The following TRHDE variants were observed in gnomAD, a reference collection of about 807,000 sequenced individuals.
The protein encoded by TRHDE is thyrotropin-releasing hormone-degrading ectoenzyme.
Under a neutral mutation model 125.7 loss-of-function variants are expected in TRHDE, and 72 were observed. The observed-to-expected ratio is 0.57, with a 90% CI of 0.47 to 0.70. The LOEUF (loss-of-function observed/expected upper bound fraction) is 0.70, where lower values mean the gene tolerates loss of function less well. TRHDE is among the 30% of genes least tolerant of loss of function. The probability of loss-of-function intolerance (pLI) is 0.00; values close to 1 mark genes in which losing one functional copy is unlikely to be tolerated. For missense variants in TRHDE, 1,110 were observed against 1,327.1 expected (o/e 0.84, Z 2.54); for synonymous variants, 509 against 509.1 (o/e 1.00, Z 0.00).
chr12:72,117,912 C>G (rs1016545539), intron 2 of TRHDE, among the ~76,000 whole-genome samples: 64 of 150,406 alleles, frequency 4.3e-4, no homozygotes, highest in Admixed American at 4.1e-3. Context: ...GACTTTAGTA[C>G]GTTGATTTTG....
intron 2 of TRHDE, among the ~76,000 whole-genome samples, chr12:72,171,446 C>A (rs1876871878): frequency 6.6e-6 from 1 of 152,140 alleles, no homozygotes; most frequent in African/African-American, 2.4e-5. Context: ...AGAAAGGGGA[C>A]TTTTTCTAAT....
At chr12:72,421,669 C>T (rs565880360) in intron 3 of TRHDE, among the ~76,000 whole-genome samples, 1 of 152,242 alleles carries the variant, frequency 6.6e-6, no homozygotes, top group Non-Finnish European at 1.5e-5. Flanking sequence ...GGAGACATTG[C>T]TGTGGGAATT....
chr12:72,498,048 G>A, intron 5 of TRHDE, among the ~76,000 whole-genome samples: 1 of 152,148 alleles, frequency 6.6e-6, no homozygotes, highest in East Asian at 1.9e-4. Context: ...ATTTGATTCA[G>A]TCATTACCAT....
At chr12:72,569,629 C>T (rs1870625420) in intron 10 of TRHDE, among the ~76,000 whole-genome samples, 1 of 152,180 alleles carries the variant, frequency 6.6e-6, no homozygotes. Context: ...ATCTGGTTGT[C>T]AGCAGTACGA....
At chr12:72,352,513 A>C (rs754509667) in intron 2 of TRHDE, among the ~76,000 whole-genome samples, 4 of 151,826 alleles carry the variant, frequency 2.6e-5, no homozygotes, top group African/African-American at 4.8e-5. Flanking sequence ...AGATGAAGAC[A>C]GTTACTTTTG....
intron 18 of TRHDE, among the ~76,000 whole-genome samples, chr12:72,662,422 C>T (rs1418865317): frequency 6.6e-6 from 1 of 152,082 alleles, no homozygotes; most frequent in Non-Finnish European, 1.5e-5. Context: ...TCAGATTCTC[C>T]AGCTAAATAA....
At chr12:72,551,804 CA>C (rs1015682648) in intron 7 of TRHDE, among the ~76,000 whole-genome samples, 2 of 151,850 alleles carry the variant, frequency 1.3e-5, no homozygotes, top group Admixed American at 6.6e-5. Context: ...TGCTAGGAAG[CA>C]AAAAATAGGA....
At chr12:72,630,758 C>T (rs972167631) in intron 15 of TRHDE, among the ~76,000 whole-genome samples, 1 of 150,148 alleles carries the variant, frequency 6.7e-6, no homozygotes, top group Non-Finnish European at 1.5e-5. Context: ...TTGTTGCTCA[C>T]AAAATTAAGA....
chr12:72,378,063 G>T lies in TRHDE; in HGVS notation c.1257G>T (p.Lys419Asn). 1.2e-6 allele frequency: 2 copies of T among 1,606,592 alleles called. No individual in the cohort carries two copies. The highest frequency in any genetic ancestry group is 1.7e-6 in the Non-Finnish European group (2 of 1,176,134). Residue 419 changes from lysine to asparagine, a missense_variant, in exon 3 of 19, where the codon AAG (lysine) becomes AAT (asparagine). Coordinates refer to ENST00000261180, the MANE Select transcript of TRHDE (RefSeq NM_013381.3). ...GGGACTATGCTCTCCATATAACAAA[G>T]AGATTAATAGAATTTTATGAAGACT... ...GSGDYALHITKRLIEFYEDYF... is the reference protein window; with the variant it reads ...GSGDYALHITNRLIEFYEDYF...
At chr12:72,320,691 T>A (rs1869048044) in intron 2 of TRHDE, among the ~76,000 whole-genome samples, 1 of 152,118 alleles carries the variant, frequency 6.6e-6, no homozygotes, top group Non-Finnish European at 1.5e-5. Flanking sequence ...GATATATTTT[T>A]AAAAAATGCA....
chr12:72,582,566 G>T (rs567481835), intron 12 of TRHDE: 2 of 985,262 alleles, frequency 2.0e-6, no homozygotes, highest in East Asian at 1.1e-4. Context: ...GTAAATAGTA[G>T]TATAATGTGC....
rs1592446648 is a variant in TRHDE at position 72,440,562 on chromosome 12, C to T, written c.1316-29196C>T. Among the ~76,000 whole-genome samples, 4 of 151,910 alleles carry T rather than the reference C, an allele frequency of 2.6e-5. 1 individual carries two copies. The highest frequency in any genetic ancestry group is 2.6e-4 in the Admixed American group (4 of 15,194). On this transcript the variant is annotated intron_variant, in intron 3 of 18. Transcript: ENST00000261180. ...GATAAAATATATAAGCATATAAATG[C>T]TAGCACATATATTGACTTATTTAAT...
At chr12:72,621,064 G>A (rs944874484) in intron 13 of TRHDE, 44 bp from the exon 14 acceptor site, 7 of 1,091,168 alleles carry the variant, frequency 6.4e-6, no homozygotes, top group Non-Finnish European at 9.6e-6. Flanking sequence ...GCATACAGAA[G>A]TTTTAAACTG....
intron 2 of TRHDE, among the ~76,000 whole-genome samples, chr12:72,124,851 C>G (rs1451742482): frequency 1.3e-5 from 2 of 152,076 alleles, no homozygotes; most frequent in Non-Finnish European, 2.9e-5. Flanking sequence ...ATTCTTGCAA[C>G]ATAACAAGAT....
intron 2 of TRHDE, among the ~76,000 whole-genome samples, chr12:72,307,965 AT>A (rs879374035): frequency 2.0e-5 from 3 of 151,680 alleles, no homozygotes; most frequent in Non-Finnish European, 2.9e-5. Context: ...TTAAGGTAGG[AT>A]TTTTTTTTGT....
intron 2 of TRHDE, among the ~76,000 whole-genome samples, chr12:72,151,699 T>C (rs1197596111): frequency 4.6e-5 from 7 of 152,188 alleles, no homozygotes; most frequent in Admixed American, 3.9e-4. Context: ...AAAGATCAGA[T>C]AGTTGTAGAC....
chr12:72,605,988 C>A (rs1328271163), intron 12 of TRHDE, among the ~76,000 whole-genome samples: 2 of 152,116 alleles, frequency 1.3e-5, no homozygotes, highest in Non-Finnish European at 2.9e-5. Flanking sequence ...TTATGTTGTA[C>A]AATCTACATG....
At chr12:72,422,428 C>G (rs1290546990) in intron 3 of TRHDE, among the ~76,000 whole-genome samples, 1 of 152,136 alleles carries the variant, frequency 6.6e-6, no homozygotes, top group Non-Finnish European at 1.5e-5. Flanking sequence ...GTGACTGAGA[C>G]ATTTTGATTA....
chr12:72,250,382 C>G (rs753560974), intron 2 of TRHDE, among the ~76,000 whole-genome samples: 2 of 152,120 alleles, frequency 1.3e-5, no homozygotes, highest in African/African-American at 4.8e-5. Context: ...CTGAACACTA[C>G]GAAAAGCTGC....
Sources: allele counts gnomAD v4.1 joint callset (sites outside exome capture counted in the v4.1 genomes callset), GRCh38; gene constraint gnomAD v4.1.1; transcripts MANE v1.5; gene names NCBI Gene and HGNC (gene_info 2026-07-23, HGNC 2026-07-21).